GBX2: variants seen among roughly 807,000 people sequenced by gnomAD.
The protein encoded by GBX2 is homeobox protein GBX-2.
Under a neutral mutation model 22.4 loss-of-function variants are expected in GBX2, and 5 were observed. The ratio of observed to expected loss-of-function variants is 0.22; its 90% CI spans 0.12 to 0.47. The LOEUF is 0.47. Among genes scored for constraint, GBX2 ranks in the 20% least tolerant of loss-of-function variants. The pLI is 0.99. For synonymous variants in GBX2, 220 were observed against 230.5 expected, an observed-to-expected ratio of 0.95 and a Z score of 0.41; for missense variants, 470 against 495.4, an observed-to-expected ratio of 0.95 and a Z score of 0.49.
intron 1 of GBX2, chr2:236,167,064 G>C: frequency 1.5e-6 from 2 of 1,341,252 alleles, no homozygotes; most frequent in East Asian, 2.5e-5. Context: ...GGTTTAAAAA[G>C]TCTGGGCGCC....
At chr2:236,161,785 A>G (rs2060214924), downstream of GBX2, among the ~76,000 whole-genome samples, 1 of 152,128 alleles carries the variant, frequency 6.6e-6, no homozygotes, top group African/African-American at 2.4e-5. Context: ...ACTCTGCCAC[A>G]CCGCCACTGA....
Position 236,167,807 on chromosome 2 carries a change from C to T in GBX2, c.165G>A (p.Leu55=), listed in dbSNP as rs1433780549. 7.0e-7 allele frequency: 1 copy of T among 1,418,850 alleles called. No homozygotes were observed. The highest frequency in any genetic ancestry group is 9.2e-7 in the Non-Finnish European group (1 of 1,082,924). 87.9% of individuals were successfully genotyped at this position (1,418,850 alleles called of 1,614,324 possible). ...CGGGCGGCGGCGGCGGCGGCGGCGG[C>T]AGCACTACCGGCCGGTAGGGCATGA... ...PMFMPYRPVV[L]PPPPPPPPAL... Residue 55 remains leucine (L), a synonymous_variant, in exon 1 of 2, where the codon CTG becomes CTA. Coordinates refer to ENST00000306318, the MANE Select transcript of GBX2 (RefSeq NM_001485.4).
rs1259547428 is a variant in GBX2 at position 236,167,904 on chromosome 2, C to T, written c.68G>A (p.Ser23Asn). The T allele has an allele frequency of 1.3e-6, 2 of 1,562,050 alleles. No homozygotes were observed. The highest frequency in any genetic ancestry group is 1.8e-5 in the Admixed American group (1 of 54,370). The change falls in exon 1 of 2, where the codon AGC (serine) becomes AAC (asparagine). Residue 23 changes from serine to asparagine, a missense_variant. Around this residue, in one of 4 missense-constraint regions of GBX2, gnomAD observed 377 missense variants for 358.6 expected, o/e 1.05. Transcript: ENST00000306318. ...CGGGCTGCCGATCAGCGAGTCTATG[C>T]TGAAGGCGGTGCTACTCCCCAGCGG... ...QRPLGSSTAF[S>N]IDSLIGSPPQ...
chr2:236,167,396 C>G, intron 1 of GBX2, 53 bp downstream of exon 1: 2 of 1,414,940 alleles, frequency 1.4e-6, no homozygotes, highest in South Asian at 3.0e-5. Context: ...GGCGCTGGCC[C>G]GCCCCCGCCT....
chr2:236,167,504 G>T lies in GBX2; in HGVS notation c.468C>A (p.Ala156=). Residue 156 remains alanine (A), a synonymous_variant, in exon 1 of 2, where the codon GCC becomes GCA. Transcript: ENST00000306318. ...AGAAGGCGAGCAGCGAGCCCTCTTT[G>T]GCCAGGAAGCCTTTGCCGTCCTCCG... The part of the protein sequence containing the change: ...ADAEDGKGFL[A]KEGSLLAFSA... 6.3e-7 allele frequency: 1 copy of T among 1,592,804 alleles called. No individual in the cohort carries two copies.
Position 236,166,522 on chromosome 2 carries a change from G to GC in GBX2, c.524-86dup, listed in dbSNP as rs2126007922. ...TCCCACCGTCATTTGGACATTCCGC[G>GC]CCCCCCGCCCCCCACCCTTTAGCGG... On this transcript the variant is annotated intron_variant, in intron 1 of 1. Transcript: ENST00000306318. The surrounding 1 kb of genome is among the most constrained non-coding windows in gnomAD (Gnocchi z 6.6). The GC allele has an allele frequency of 8.6e-7, 1 of 1,160,390 alleles. No homozygotes were observed. Among genetic ancestry groups the GC allele is most frequent in the Non-Finnish European group, 1.2e-6 (1 of 802,154 alleles). The allele number at this position is 1,160,390 out of a possible 1,614,324, so 71.9% of individuals were successfully genotyped here. A position where few individuals can be genotyped will look rare whatever the true frequency, so the allele number is the denominator to read the frequency against.
downstream of GBX2, among the ~76,000 whole-genome samples, chr2:236,164,659 G>A (rs1237488843): frequency 6.6e-6 from 1 of 152,124 alleles, no homozygotes; most frequent in Non-Finnish European, 1.5e-5. Context: ...CCCGCCCGGA[G>A]GGGGAGGTGC....
In GBX2 at chr2:236,168,186, G is replaced by A; in HGVS notation, c.-215C>T. On this transcript the variant is annotated 5_prime_UTR_variant, in exon 1 of 2. Transcript: ENST00000306318. ...GTGAGGCCGTGCGCCCCGGAGTGGA[G>A]AGGGCGCCCGGGCCCCGAGGGCTCG... 1 of 351,314 alleles carries A rather than the reference G, an allele frequency of 2.8e-6. No homozygotes were observed. Among genetic ancestry groups the A allele is most frequent in the Non-Finnish European group, 4.8e-6 (1 of 208,364 alleles). 21.8% of individuals were successfully genotyped at this position (351,314 alleles called of 1,614,324 possible).
chr2:236,167,261 G>A (rs2060245264), intron 1 of GBX2, 188 bp downstream of exon 1: 1 of 1,437,216 alleles, frequency 7.0e-7, no homozygotes, highest in Non-Finnish European at 9.5e-7. Flanking sequence ...CCGAGACCCC[G>A]CTTGTTGGGT....
chr2:236,167,709 G>T lies in GBX2; in HGVS notation c.263C>A (p.Thr88Lys), dbSNP rs1488408570. The change falls in exon 1 of 2, where the codon ACA (threonine) becomes AAA (lysine). Residue 88 changes from threonine (T) to lysine (K), a missense_variant. Around this residue, in one of 4 missense-constraint regions of GBX2, gnomAD observed 377 missense variants for 358.6 expected, o/e 1.05. Transcript: ENST00000306318. ...HPHHQIPSLP[T>K]GFCSSLAQGM... ...CTGCGCCAGGCTGGAGCAGAAGCCT[G>T]TGGGCAGGCTGGGGATCTGGTGGTG... The T allele has an allele frequency of 6.4e-7, 1 of 1,567,276 alleles. No individual in the cohort carries two copies. The highest frequency in any genetic ancestry group is 1.2e-5 in the South Asian group (1 of 86,628).
rs749602609 is a variant in GBX2, at chr2:236,167,922, C to T, written c.50G>A (p.Gly17Glu). 6.4e-7 allele frequency: 1 copy of T among 1,562,332 alleles called. No homozygotes were observed. The highest frequency in any genetic ancestry group is 1.8e-5 in the Admixed American group (1 of 54,348). ...PSLMMMQRPL[G>E]SSTAFSIDSL... is the part of the protein sequence containing the mutation. Reference sequence around the variant, plus strand: ...GTCTATGCTGAAGGCGGTGCTACTCCCCAGCGGGCGCTGCATCATCATCAG... The same window carrying T: ...GTCTATGCTGAAGGCGGTGCTACTCTCCAGCGGGCGCTGCATCATCATCAG... Residue 17 changes from glycine (G) to glutamate (E), a missense_variant, in exon 1 of 2, where the codon GGG becomes GAG. Physicochemically the swap from Gly to Glu is moderately conservative, Grantham distance 98. Around this residue, in one of 4 missense-constraint regions of GBX2, gnomAD observed 377 missense variants for 358.6 expected, o/e 1.05. Transcript: ENST00000306318.
chr2:236,163,109 T>G (rs1223856462), downstream of GBX2, among the ~76,000 whole-genome samples: 1 of 152,194 alleles, frequency 6.6e-6, no homozygotes, highest in Non-Finnish European at 1.5e-5. Context: ...TCTCTCTGCC[T>G]GTGATGTGAC....
chr2:236,165,979 G>A lies in GBX2; in HGVS notation c.982C>T (p.Pro328Ser). Residue 328 changes from proline (P) to serine (S), a missense_variant, in exon 2 of 2, where the codon CCT (proline) becomes TCT (serine). Around this residue, in one of 4 missense-constraint regions of GBX2, gnomAD observed 50 missense variants for 59.1 expected, o/e 0.85. Coordinates refer to ENST00000306318, the MANE Select transcript of GBX2 (RefSeq NM_001485.4). ...SRNPKIVVPI[P>S]VHVSRFAIRS... The stretch of plus-strand genomic sequence containing the variant: ...ATAGCGAACCTGCTGACGTGGACAG[G>A]GATGGGGACGACGATCTTAGGGTTC... The A allele has an allele frequency of 6.2e-7, 1 of 1,614,158 alleles. No homozygotes were observed.
rs774894969 is a variant in GBX2 at position 236,167,771 on chromosome 2, C to G, written c.201G>C (p.Gln67His). ...GCGGCAGCGCTGGCTGCAGCGCGGCCTGGGGCAGCGCGGGCGGCGGCGGCG... is the reference window on the plus strand; with the variant it reads ...GCGGCAGCGCTGGCTGCAGCGCGGCGTGGGGCAGCGCGGGCGGCGGCGGCG... ...PPPPPPPALP[Q>H]AALQPALPPA... The change falls in exon 1 of 2, where the codon CAG becomes CAC. Residue 67 changes from glutamine (Q) to histidine (H), a missense_variant. By Grantham distance (24) the Gln-to-His change is conservative. Coordinates refer to ENST00000306318, the MANE Select transcript of GBX2 (RefSeq NM_001485.4). 1.4e-6 allele frequency: 2 copies of G among 1,441,770 alleles called. No individual in the cohort carries two copies. Among genetic ancestry groups the G allele is most frequent in the East Asian group, 5.8e-5 (2 of 34,386 alleles). 89.3% of individuals were successfully genotyped at this position (1,441,770 alleles called of 1,614,324 possible).
chr2:236,167,869 T>C lies in GBX2; in HGVS notation c.103A>G (p.Ser35Gly). The C allele has an allele frequency of 6.5e-7, 1 of 1,547,020 alleles. No individual in the cohort carries two copies. The highest frequency in any genetic ancestry group is 8.7e-7 in the Non-Finnish European group (1 of 1,149,658). The change falls in exon 1 of 2, where the codon AGC becomes GGC. Residue 35 changes from serine to glycine, a missense_variant. By Grantham distance (56) the Ser-to-Gly change is moderately conservative (BLOSUM62 0). Transcript: ENST00000306318. ...DSLIGSPPQP[S>G]PGHFVYTGYP... Reference sequence around the variant, plus strand: ...CCGGTGTAGACGAAATGGCCGGGGCTGGGCTGCGGCGGGCTGCCGATCAGC... The same window carrying C: ...CCGGTGTAGACGAAATGGCCGGGGCCGGGCTGCGGCGGGCTGCCGATCAGC...
chr2:236,166,819 A>T lies in GBX2; in HGVS notation c.524-382T>A, dbSNP rs944528379. ...TTGAGGACTGATGGGGGGATTCACG[A>T]TTCATCCTCCCCCCACCGCCACCAT... On this transcript the variant is annotated intron_variant, in intron 1 of 1. Transcript: ENST00000306318. This position sits in a 1 kb window ranked among gnomAD's most constrained non-coding sequence, Gnocchi z 6.6. 6.6e-6 allele frequency among the ~76,000 whole-genome samples: 1 copy of T among 152,030 alleles called. No homozygotes were observed. Among genetic ancestry groups the T allele is most frequent in the African/African-American group, 2.4e-5 (1 of 41,412 alleles).
downstream of GBX2, among the ~76,000 whole-genome samples, chr2:236,161,347 G>T (rs1463402209): frequency 1.3e-5 from 2 of 152,256 alleles, no homozygotes; most frequent in Non-Finnish European, 2.9e-5. Context: ...CGGTTTTGAT[G>T]ATGTAATTTA....
At chr2:236,164,153 A>G (rs1341711497), downstream of GBX2, among the ~76,000 whole-genome samples, 1 of 151,994 alleles carries the variant, frequency 6.6e-6, no homozygotes, top group East Asian at 1.9e-4. Context: ...GACGGCCTGT[A>G]AGTAGTAAAA....
At chr2:236,161,573 C>T (rs1159991297), downstream of GBX2, among the ~76,000 whole-genome samples, 2 of 152,204 alleles carry the variant, frequency 1.3e-5, no homozygotes, top group African/African-American at 4.8e-5. Context: ...CCCCCAAGAC[C>T]CCAGAGCCCT....
Sources: allele counts gnomAD v4.1 joint callset (sites outside exome capture counted in the v4.1 genomes callset), GRCh38; gene constraint gnomAD v4.1.1; regional missense constraint gnomAD v4.1.1; non-coding constraint Gnocchi (gnomAD v3.1); transcripts MANE v1.5; gene names NCBI Gene and HGNC (gene_info 2026-07-23, HGNC 2026-07-21).